OXSR1: variants seen among roughly 807,000 people sequenced by gnomAD.
The protein encoded by OXSR1 is oxidative stress responsive kinase 1.
A neutral mutation model predicts 79.8 loss-of-function variants in OXSR1; 24 were observed. The observed-to-expected ratio is 0.30, with a 90% CI of 0.22 to 0.42. The LOEUF (loss-of-function observed/expected upper bound fraction) is 0.42, where lower values mean the gene tolerates loss of function less well. Ranked by LOEUF, OXSR1 falls within the 10% of genes least tolerant of loss-of-function variation. OXSR1 has a pLI of 1.00. For synonymous variants in OXSR1, 226 were observed against 209.2 expected, an observed-to-expected ratio of 1.08 and a Z score of -0.69; for missense variants, 430 against 618.4, an observed-to-expected ratio of 0.70 and a Z score of 3.23.
At chr3:38,204,484 CACAGCAAGT>C (rs1261223113) in intron 4 of OXSR1, among the ~76,000 whole-genome samples, 13 of 152,120 alleles carry the variant, frequency 8.5e-5, no homozygotes, top group South Asian at 2.1e-4. Flanking sequence ...ACCTAAGGTC[CACAGCAAGT>C]ACAGCTTGGC....
In OXSR1 at chr3:38,236,903, G is replaced by T. The variant is rs551708596; in HGVS notation, c.1016G>T (p.Ser339Ile). 1 of 1,612,904 alleles carries T rather than the reference G, an allele frequency of 6.2e-7. No individual in the cohort carries two copies. Among genetic ancestry groups the T allele is most frequent in the East Asian group, 2.2e-5 (1 of 44,838 alleles). Residue 339 changes from serine (S) to isoleucine (I), a missense_variant, in exon 11 of 18, where the codon AGT (serine) becomes ATT (isoleucine). Physicochemically the swap from Ser to Ile is moderately radical, Grantham distance 142 (BLOSUM62 -2). Transcript: ENST00000311806. ...ACAGAGGATGGAGGCTGGGAGTGGA[G>T]TGATGATGAATTTGATGAAGAAAGT... ...HKTEDGGWEWSDDEFDEESEE... is the reference protein window; with the variant it reads ...HKTEDGGWEWIDDEFDEESEE...
chr3:38,254,325 T>G lies in OXSR1; in HGVS notation c.*1434T>G, dbSNP rs1245307788. On this transcript the variant is annotated 3_prime_UTR_variant, in exon 18 of 18. Transcript: ENST00000311806. The stretch of plus-strand genomic sequence containing the variant: ...CTGAAAACCTTCCCCACAAATAACT[T>G]GTCACACCTTTTGTTTCATTCTGAG... 2 of 397,892 alleles carry G rather than the reference T, an allele frequency of 5.0e-6. No homozygotes were observed. The highest frequency in any genetic ancestry group is 8.9e-6 in the Non-Finnish European group (2 of 225,660). The allele number at this position is 397,892 out of a possible 1,614,324, so 24.6% of individuals were successfully genotyped here.
chr3:38,176,698 G>A (rs957942002), intron 1 of OXSR1, among the ~76,000 whole-genome samples: 12 of 152,172 alleles, frequency 7.9e-5, no homozygotes, highest in African/African-American at 2.9e-4. Context: ...TCACACCAGA[G>A]CATAATATCT....
rs1359740651 is a variant in OXSR1 at position 38,215,342 on chromosome 3, T to C, written c.435-754T>C. 2.6e-5 allele frequency among the ~76,000 whole-genome samples: 4 copies of C among 152,218 alleles called. No individual in the cohort carries two copies. The East Asian group carries it at 7.7e-4, about 29-fold the overall frequency. ...GCTGCAGTAGAACCCCCTTGTACTTTCCCTGTAAATTGTGAGAGTTCCTCT... is the reference window on the plus strand; with the variant it reads ...GCTGCAGTAGAACCCCCTTGTACTTCCCCTGTAAATTGTGAGAGTTCCTCT... On this transcript the variant is annotated intron_variant, in intron 4 of 17. Coordinates refer to ENST00000311806, the MANE Select transcript of OXSR1 (RefSeq NM_005109.3).
chr3:38,253,035 C>A lies in OXSR1; in HGVS notation c.*144C>A. On this transcript the variant is annotated 3_prime_UTR_variant, in exon 18 of 18. Coordinates refer to ENST00000311806, the MANE Select transcript of OXSR1 (RefSeq NM_005109.3). ...TTTAGAAGTCTTTATGTTCTTCCTG[C>A]CATCATTCCTCCTTTTCCCACAGGG... 1.6e-6 allele frequency: 1 copy of A among 632,008 alleles called. No individual in the cohort carries two copies. The highest frequency in any genetic ancestry group is 2.8e-6 in the Non-Finnish European group (1 of 358,868). The allele number at this position is 632,008 out of a possible 1,614,324, so 39.2% of individuals were successfully genotyped here.
intron 14 of OXSR1, among the ~76,000 whole-genome samples, chr3:38,248,281 G>C (rs1321549489): frequency 6.6e-6 from 1 of 152,050 alleles, no homozygotes; most frequent in South Asian, 2.1e-4. Flanking sequence ...GGTCCTGACA[G>C]ATTGCTCAGC....
chr3:38,247,199 C>T (rs940915047), intron 13 of OXSR1, among the ~76,000 whole-genome samples: 5 of 152,032 alleles, frequency 3.3e-5, no homozygotes, highest in Non-Finnish European at 4.4e-5. Context: ...CATAAGCAAG[C>T]GCTGTACAAT....
intron 15 of OXSR1, 171 bp downstream of exon 15, chr3:38,250,189 C>G: frequency 1.7e-6 from 1 of 582,996 alleles, no homozygotes; most frequent in Non-Finnish European, 3.1e-6. Flanking sequence ...GACTACTAAA[C>G]ACATTTAGAA....
At chr3:38,213,180 C>T (rs1032817303) in intron 4 of OXSR1, among the ~76,000 whole-genome samples, 1 of 152,098 alleles carries the variant, frequency 6.6e-6, no homozygotes, top group African/African-American at 2.4e-5. Flanking sequence ...TCAAACAGCA[C>T]AAAATGGTGT....
In OXSR1 at chr3:38,251,143, C is replaced by T. The variant is rs554252387; in HGVS notation, c.1376-260C>T. The stretch of plus-strand genomic sequence containing the variant: ...TTTAGCCCTAGAGATGTTCAGTATT[C>T]AACATCATGTCTCAGATATTTGCTA... On this transcript the variant is annotated intron_variant, in intron 15 of 17. Coordinates refer to ENST00000311806, the MANE Select transcript of OXSR1 (RefSeq NM_005109.3). Among the ~76,000 whole-genome samples, 225 of 152,218 alleles carry T rather than the reference C, an allele frequency of 1.5e-3. 2 individuals are homozygous for T. Among genetic ancestry groups the T allele is most frequent in the East Asian group, 5.2e-3 (27 of 5,184 alleles).
chr3:38,195,622 G>T (rs550161585), intron 3 of OXSR1, among the ~76,000 whole-genome samples: 1 of 152,240 alleles, frequency 6.6e-6, no homozygotes, highest in African/African-American at 2.4e-5. Flanking sequence ...TATTTAAAGA[G>T]TATCTTTTCA....
At chr3:38,236,485 C>T (rs144607901) in intron 10 of OXSR1, among the ~76,000 whole-genome samples, 70 of 151,704 alleles carry the variant, frequency 4.6e-4, no homozygotes, top group African/African-American at 1.6e-3. Context: ...GAAAAAATAA[C>T]AGATTTTAAA....
At chr3:38,233,749 A>AC (rs1342779637) in intron 10 of OXSR1, among the ~76,000 whole-genome samples, 1 of 151,772 alleles carries the variant, frequency 6.6e-6, no homozygotes, top group South Asian at 2.1e-4. Context: ...CCCAGACTCT[A>AC]CCAAAAAAAA....
In OXSR1 at chr3:38,165,848, A is replaced by T. The variant is rs770755143; in HGVS notation, c.-29A>T. 3.8e-6 allele frequency: 6 copies of T among 1,596,124 alleles called. No homozygotes were observed. In the Admixed American group the frequency reaches 1.0e-4, roughly 27 times the overall value. ...GAGACGAGCGAGGTCAGCGAGTTTG[A>T]GGGAGGACCGCGAGCCGCTGCCGCC... On this transcript the variant is annotated 5_prime_UTR_variant, in exon 1 of 18. Coordinates refer to ENST00000311806, the MANE Select transcript of OXSR1 (RefSeq NM_005109.3).
chr3:38,191,680 T>G (rs1473819148), intron 3 of OXSR1, among the ~76,000 whole-genome samples: 1 of 152,168 alleles, frequency 6.6e-6, no homozygotes, highest in Admixed American at 6.5e-5. Flanking sequence ...GATGTTAGTT[T>G]TGTTTGCTTA....
chr3:38,197,060 A>T (rs1702083758), intron 3 of OXSR1, among the ~76,000 whole-genome samples: 1 of 152,230 alleles, frequency 6.6e-6, no homozygotes, highest in Non-Finnish European at 1.5e-5. Context: ...ACGGTGAAAC[A>T]TGTGGCCCTT....
chr3:38,225,564 A>C (rs570289569), intron 8 of OXSR1, among the ~76,000 whole-genome samples: 1 of 152,126 alleles, frequency 6.6e-6, no homozygotes, highest in African/African-American at 2.4e-5. Flanking sequence ...CTGTGTTTTT[A>C]TAATTTTTTT....
chr3:38,187,444 A>T (rs182388029), intron 2 of OXSR1, among the ~76,000 whole-genome samples: 6 of 152,346 alleles, frequency 3.9e-5, no homozygotes, highest in African/African-American at 1.4e-4. Flanking sequence ...CACTCAGTTA[A>T]GGCAGAGACT....
chr3:38,245,780 C>T (rs929180539), intron 12 of OXSR1, among the ~76,000 whole-genome samples: 5 of 152,066 alleles, frequency 3.3e-5, no homozygotes, highest in Admixed American at 1.3e-4. Context: ...TGTTCTAAAA[C>T]GATTGTGGTG....
Sources: allele counts gnomAD v4.1 joint callset (sites outside exome capture counted in the v4.1 genomes callset), GRCh38; gene constraint gnomAD v4.1.1; transcripts MANE v1.5; gene names NCBI Gene and HGNC (gene_info 2026-07-23, HGNC 2026-07-21).